The following EML6 variants were observed in gnomAD, a reference collection of about 807,000 sequenced individuals.
EML6 encodes echinoderm microtubule-associated protein-like 6.
EML6 carries 154 observed loss-of-function variants against 240.1 expected under a neutral mutation model. The observed-to-expected ratio is 0.64, with a 90% CI of 0.56 to 0.73. The LOEUF (loss-of-function observed/expected upper bound fraction) is 0.73. Among genes scored for constraint, EML6 ranks in the 30% least tolerant of loss-of-function variants. The pLI, the probability that EML6 is intolerant of heterozygous loss-of-function variation, is 0.00. For synonymous variants in EML6, 1,148 were observed against 899.0 expected (o/e 1.28, Z -4.95); for missense variants, 2,964 against 2,474.6 (o/e 1.20, Z -4.20).
intron 14 of EML6, chr2:54,868,638 C>G (rs971340009): frequency 6.6e-6 from 1 of 152,250 alleles, no homozygotes; most frequent in African/African-American, 2.4e-5. Flanking sequence ...CATTAAGTCT[C>G]TGTACAATTT....
chr2:54,964,195 G>A, intron 37 of EML6, 37 bp downstream of exon 37: 1 of 1,540,290 alleles, frequency 6.5e-7, no homozygotes. Context: ...GAGGAGAAAG[G>A]CAAGCATTCT....
Position 54,966,980 on chromosome 2 carries a change from G to A in EML6, c.5494-20G>A, listed in dbSNP as rs771130193. 3 of 1,493,230 alleles carry A rather than the reference G, an allele frequency of 2.0e-6. No individual in the cohort carries two copies. The highest frequency in any genetic ancestry group is 2.0e-5 in the Admixed American group (1 of 50,484). 92.5% of individuals were successfully genotyped at this position (1,493,230 alleles called of 1,614,324 possible). A position where few individuals can be genotyped will look rare whatever the true frequency, so the allele number is the denominator to read the frequency against. Reference sequence around the variant, plus strand: ...ACTGAGAAAGAACGTTGATGAACATGGCTTCCCTTCTACCTACAGGTGTCA... The same window carrying A: ...ACTGAGAAAGAACGTTGATGAACATAGCTTCCCTTCTACCTACAGGTGTCA... On this transcript the variant is annotated intron_variant, in intron 38 of 41. Transcript: ENST00000356458.
intron 21 of EML6, among the ~76,000 whole-genome samples, chr2:54,898,161 G>T: frequency 6.6e-6 from 1 of 152,040 alleles, no homozygotes. Flanking sequence ...CTTTGTGGGT[G>T]ATCAGCAGCA....
chr2:54,843,866 A>T (rs930522441), intron 7 of EML6, among the ~76,000 whole-genome samples, 181 bp from the exon 8 acceptor site: 1 of 149,088 alleles, frequency 6.7e-6, no homozygotes, highest in African/African-American at 2.5e-5. Flanking sequence ...AAAAAAAAGC[A>T]CAAAGAATGG....
At chr2:54,828,391 A>G (rs1668701878) in intron 6 of EML6, among the ~76,000 whole-genome samples, 1 of 152,248 alleles carries the variant, frequency 6.6e-6, no homozygotes, top group South Asian at 2.1e-4. Context: ...TGTTGTATCT[A>G]CAAATGATAA....
At chr2:54,741,362 G>A (rs1683620834) in intron 2 of EML6, among the ~76,000 whole-genome samples, 4 of 152,086 alleles carry the variant, frequency 2.6e-5, no homozygotes, top group Admixed American at 1.3e-4. Flanking sequence ...TAAGGATTCT[G>A]ATTCAGTAGG....
intron 17 of EML6, among the ~76,000 whole-genome samples, chr2:54,887,915 A>G (rs113589827): frequency 0.02 from 3,057 of 152,274 alleles, 58 homozygotes; most frequent in South Asian, 0.066. Flanking sequence ...ACCTTGACAT[A>G]TCATTATCAC....
intron 26 of EML6, among the ~76,000 whole-genome samples, chr2:54,920,621 G>GA (rs1356059695): frequency 2.0e-5 from 3 of 151,616 alleles, no homozygotes; most frequent in South Asian, 4.1e-4. Flanking sequence ...TTCAAAAAAA[G>GA]AAAAAAAATT....
intron 38 of EML6, among the ~76,000 whole-genome samples, chr2:54,965,005 A>ACCT (rs1676685892): frequency 6.6e-6 from 1 of 151,976 alleles, no homozygotes; most frequent in Non-Finnish European, 1.5e-5. Context: ...GCCCCTCACC[A>ACCT]CCTCCTCTTC....
intron 8 of EML6, among the ~76,000 whole-genome samples, chr2:54,847,213 AT>A (rs890821881): frequency 2.0e-5 from 3 of 150,532 alleles, no homozygotes; most frequent in South Asian, 2.1e-4. Flanking sequence ...CCAGCCTTAA[AT>A]TTTTTTTTTG....
In EML6 at chr2:54,963,969, C is replaced by T. The variant is rs552242613; in HGVS notation, c.5158-17C>T. On this transcript the variant is annotated splice_polypyrimidine_tract_variant and intron_variant, in intron 36 of 41. Coordinates refer to ENST00000356458, the MANE Select transcript of EML6 (RefSeq NM_001039753.4). The stretch of plus-strand genomic sequence containing the variant: ...GGGGGCCAAGAGCTCAGGTGACTTT[C>T]CTTTGCATCAATGTAGAAGCTGTTA... 2.5e-5 allele frequency: 38 copies of T among 1,542,698 alleles called. No individual in the cohort carries two copies. The highest frequency in any genetic ancestry group is 1.7e-4 in the Middle Eastern group (1 of 5,936).
intron 28 of EML6, among the ~76,000 whole-genome samples, chr2:54,940,670 C>T (rs1031226867): frequency 6.6e-6 from 1 of 152,226 alleles, no homozygotes; most frequent in African/African-American, 2.4e-5. Flanking sequence ...CAAGTCCATT[C>T]TTGGTCAGCG....
intron 28 of EML6, among the ~76,000 whole-genome samples, chr2:54,946,428 C>T (rs550289059): frequency 3.0e-4 from 45 of 152,160 alleles, no homozygotes; most frequent in Non-Finnish European, 6.3e-4. Context: ...AGTGAATGTC[C>T]TCATGCCTCC....
rs913771114 is a variant in EML6 at position 54,958,109 on chromosome 2, A to G, written c.4695+111A>G. 1.4e-5 allele frequency: 13 copies of G among 903,874 alleles called. No homozygotes were observed. The African/African-American group carries it at 1.7e-4, about 12-fold the overall frequency. 56.0% of individuals were successfully genotyped at this position (903,874 alleles called of 1,614,324 possible). On this transcript the variant is annotated intron_variant, in intron 33 of 41. Transcript: ENST00000356458. ...AGAGGCTGAAAACAGCAGGAAAGCC[A>G]TTTCCACATTCGCTCCTGTACTGGC... is the stretch of plus-strand genomic sequence containing the variant.
chr2:54,745,906 A>C (rs1683890304), intron 2 of EML6, among the ~76,000 whole-genome samples: 1 of 152,226 alleles, frequency 6.6e-6, no homozygotes, highest in Non-Finnish European at 1.5e-5. Flanking sequence ...GGAGAGGTTT[A>C]GGATTGTAAA....
chr2:54,806,632 AAAAAAAAAAAAAG>A (rs1168963140), intron 2 of EML6, among the ~76,000 whole-genome samples: 2 of 140,408 alleles, frequency 1.4e-5, no homozygotes, highest in African/African-American at 2.6e-5. Flanking sequence ...AAAAAAAAAA[AAAAAAAAAAAAAG>A]AATGTCCGTT....
intron 26 of EML6, among the ~76,000 whole-genome samples, chr2:54,920,888 A>G (rs77046998): frequency 7.9e-4 from 121 of 152,306 alleles, no homozygotes; most frequent in African/African-American, 2.4e-3. Context: ...TACCACATAA[A>G]GAGAATAAAG....
At chr2:54,938,324 G>A (rs1675256589) in intron 28 of EML6, among the ~76,000 whole-genome samples, 1 of 152,122 alleles carries the variant, frequency 6.6e-6, no homozygotes, top group Non-Finnish European at 1.5e-5. Flanking sequence ...GTTAGATGAA[G>A]TTTCTGTAAT....
rs1472554005 is a variant in EML6 at position 54,948,868 on chromosome 2, G to T, written c.4005-14G>T. ...GTTCAATGCTGTGCTTCCTCTGGCCGCTCTCTCTTCCAGACCACCCGTTAG... is the reference window on the plus strand; with the variant it reads ...GTTCAATGCTGTGCTTCCTCTGGCCTCTCTCTCTTCCAGACCACCCGTTAG... On this transcript the variant is annotated splice_polypyrimidine_tract_variant and intron_variant, in intron 28 of 41. Transcript: ENST00000356458. 1 of 1,548,198 alleles carries T rather than the reference G, an allele frequency of 6.5e-7. No homozygotes were observed. The highest frequency in any genetic ancestry group is 8.7e-7 in the Non-Finnish European group (1 of 1,144,156).
Sources: allele counts gnomAD v4.1 joint callset (sites outside exome capture counted in the v4.1 genomes callset), GRCh38; gene constraint gnomAD v4.1.1; transcripts MANE v1.5; gene names NCBI Gene and HGNC (gene_info 2026-07-23, HGNC 2026-07-21).